DENND6A: variants seen among roughly 807,000 people sequenced by gnomAD.
The protein encoded by DENND6A is protein DENND6A.
DENND6A carries 43 observed loss-of-function variants against 95.5 expected under a neutral mutation model. The ratio of observed to expected loss-of-function variants is 0.45; its 90% CI spans 0.35 to 0.58. The LOEUF is 0.58. DENND6A is among the 20% of genes least tolerant of loss of function. DENND6A has a pLI of 0.00. For missense variants in DENND6A, 574 were observed against 736.0 expected (o/e 0.78, Z 2.55); for synonymous variants, 257 against 260.4 (o/e 0.99, Z 0.13).
intron 12 of DENND6A, among the ~76,000 whole-genome samples, chr3:57,636,810 G>A (rs2070803738): frequency 2.0e-5 from 3 of 152,066 alleles, no homozygotes; most frequent in Middle Eastern, 3.4e-3. Flanking sequence ...GGTGGCACAC[G>A]CCTGTAGTCC....
Position 57,628,084 on chromosome 3 carries a change from A to C in DENND6A, c.*130T>G. The C allele has an allele frequency of 7.6e-7, 1 of 1,315,902 alleles. No individual in the cohort carries two copies. The highest frequency in any genetic ancestry group is 1.0e-6 in the Non-Finnish European group (1 of 966,406). The allele number at this position is 1,315,902 out of a possible 1,614,324, so 81.5% of individuals were successfully genotyped here. On this transcript the variant is annotated 3_prime_UTR_variant, in exon 20 of 20. Transcript: ENST00000311128. ...TCTGTTTATACAATACAGTCTTTCT[A>C]CCCTGTAACTAGCATTCATGGCAAT...
At chr3:57,658,454 A>G (rs1195412260) in intron 8 of DENND6A, among the ~76,000 whole-genome samples, 1 of 152,148 alleles carries the variant, frequency 6.6e-6, no homozygotes, top group East Asian at 1.9e-4. Context: ...ACTTCAGCCC[A>G]GGAATTGGAG....
At chr3:57,647,994 G>A (rs2071116209) in intron 9 of DENND6A, among the ~76,000 whole-genome samples, 1 of 152,004 alleles carries the variant, frequency 6.6e-6, no homozygotes, top group Non-Finnish European at 1.5e-5. Flanking sequence ...GGACAAAGTT[G>A]CAGCAGAGTC....
rs1389113204 is a variant in DENND6A at position 57,692,944 on chromosome 3, C to T, written c.75G>A (p.Glu25=). 14 of 1,552,878 alleles carry T rather than the reference C, an allele frequency of 9.0e-6. No individual in the cohort carries two copies. In the Admixed American group the frequency reaches 2.5e-4, roughly 27 times the overall value. Residue 25 remains glutamate (E), a synonymous_variant, in exon 1 of 20, where the codon GAG becomes GAA. Transcript: ENST00000311128. ...RPLDEAVAGA[E]GREAPALVAA... is the part of the protein sequence containing the mutation. ...CCACAAGGGCCGGCGCCTCGCGGCC[C>T]TCGGCCCCTGCCACCGCTTCGTCCA... is the stretch of plus-strand genomic sequence containing the variant.
chr3:57,668,273 C>T (rs2071557833), intron 3 of DENND6A, among the ~76,000 whole-genome samples: 1 of 152,170 alleles, frequency 6.6e-6, no homozygotes, highest in African/African-American at 2.4e-5. Flanking sequence ...TCCCTGCTGT[C>T]TACAAAGAAG....
chr3:57,678,560 C>T (rs1285265199), intron 1 of DENND6A, among the ~76,000 whole-genome samples: 2 of 152,164 alleles, frequency 1.3e-5, no homozygotes, highest in Admixed American at 1.3e-4. Flanking sequence ...GCTCTAACCT[C>T]CAATCATATT....
At position 57,662,193 on chromosome 3, in the gene DENND6A, T is replaced by TC. The variant is rs995853610; in HGVS notation, c.514-643_514-642insG. On this transcript the variant is annotated intron_variant, in intron 5 of 19. Coordinates refer to ENST00000311128, the MANE Select transcript of DENND6A (RefSeq NM_152678.3). Reference sequence around the variant, plus strand: ...TCTTTCTTTTCTTTTTTCTTTTTTTTTTTTTTTTTTTTTTTGAGACAAGGT... The same window carrying TC: ...TCTTTCTTTTCTTTTTTCTTTTTTTTCTTTTTTTTTTTTTTTGAGACAAGGT... Among the ~76,000 whole-genome samples, 10 of 130,576 alleles carry TC rather than the reference T, an allele frequency of 7.7e-5. 1 individual carries two copies. Among genetic ancestry groups the TC allele is most frequent in the Admixed American group, 3.1e-4 (4 of 13,020 alleles). The allele number at this position is 130,576 out of a possible 152,430, so 85.7% of individuals were successfully genotyped here.
intron 11 of DENND6A, among the ~76,000 whole-genome samples, chr3:57,644,686 G>T: frequency 9.6e-6 from 1 of 103,948 alleles, no homozygotes. Context: ...GGGCAACAGG[G>T]AAGGGAGGGG....
chr3:57,679,989 G>GAGC (rs2153417057), intron 1 of DENND6A, among the ~76,000 whole-genome samples: 1 of 152,174 alleles, frequency 6.6e-6, no homozygotes, highest in East Asian at 1.9e-4. Context: ...ACTGTTAGAA[G>GAGC]AGCAGCAGCA....
At chr3:57,658,751 A>G (rs1184308057) in intron 8 of DENND6A, among the ~76,000 whole-genome samples, 5 of 152,330 alleles carry the variant, frequency 3.3e-5, no homozygotes, top group Admixed American at 3.3e-4. Flanking sequence ...CTTTTGGAAA[A>G]ATAAAGGGCA....
chr3:57,667,749 C>T (rs993795085), intron 3 of DENND6A, among the ~76,000 whole-genome samples: 1 of 152,092 alleles, frequency 6.6e-6, no homozygotes. Context: ...ACTTTCATAG[C>T]AACTTGATAT....
intron 1 of DENND6A, among the ~76,000 whole-genome samples, chr3:57,673,689 C>A (rs539607211): frequency 6.6e-6 from 1 of 152,044 alleles, no homozygotes; most frequent in African/African-American, 2.4e-5. Flanking sequence ...TCACATGTAC[C>A]CCATATATAT....
chr3:57,641,272 TA>T (rs1403624919), intron 12 of DENND6A, among the ~76,000 whole-genome samples: 2 of 144,170 alleles, frequency 1.4e-5, no homozygotes, highest in Admixed American at 7.1e-5. Context: ...AATGTTATAT[TA>T]AAATATATAT....
intron 4 of DENND6A, 192 bp downstream of exon 4, chr3:57,665,931 A>T: frequency 2.0e-6 from 1 of 492,356 alleles, no homozygotes. Flanking sequence ...TGTTTCAAAC[A>T]TAGTAACTGT....
At chr3:57,675,173 G>A (rs1559828401) in intron 1 of DENND6A, among the ~76,000 whole-genome samples, 1 of 152,090 alleles carries the variant, frequency 6.6e-6, no homozygotes, top group Non-Finnish European at 1.5e-5. Flanking sequence ...AAAAGAAACA[G>A]TTCACAAACT....
chr3:57,634,824 A>T (rs1304097209), intron 12 of DENND6A, 55 bp from the exon 13 acceptor site: 1 of 1,377,912 alleles, frequency 7.3e-7, no homozygotes, highest in Non-Finnish European at 9.7e-7. Context: ...CATATTACAA[A>T]ATTGGAACTT....
intron 9 of DENND6A, chr3:57,654,873 C>A: frequency 1.3e-6 from 1 of 798,656 alleles, no homozygotes; most frequent in Non-Finnish European, 1.5e-6. Context: ...TGTAAACTTT[C>A]ATTCACACTA....
intron 9 of DENND6A, among the ~76,000 whole-genome samples, chr3:57,657,224 T>C (rs993139436): frequency 3.9e-5 from 6 of 152,198 alleles, no homozygotes; most frequent in Non-Finnish European, 8.8e-5. Context: ...CATGTTGACA[T>C]TTTTCAAACA....
intron 1 of DENND6A, among the ~76,000 whole-genome samples, chr3:57,673,252 A>T (rs970184603): frequency 2.0e-5 from 3 of 151,704 alleles, no homozygotes; most frequent in African/African-American, 7.3e-5. Context: ...AGAAAAAAAA[A>T]AAATAATGAA....
Sources: gnomAD v4.1 joint callset for allele counts (sites outside exome capture counted in the v4.1 genomes callset) on GRCh38, gnomAD v4.1.1 for gene constraint, MANE v1.5 for transcripts, NCBI Gene and HGNC (gene_info 2026-07-23, HGNC 2026-07-21) for gene names.